Variants in MAST4 observed in about 807,000 individuals in gnomAD.
MAST4 encodes microtubule associated serine/threonine kinase family member 4.
Under a neutral mutation model 162.7 loss-of-function variants are expected in MAST4, and 89 were observed. The observed-to-expected ratio is 0.55, with a 90% confidence interval of 0.46 to 0.65. The LOEUF (loss-of-function observed/expected upper bound fraction) is 0.65. MAST4 is among the 30% of genes least tolerant of loss of function. The pLI is 0.00. For missense variants in MAST4, 3,153 were observed against 3,374.0 expected (o/e 0.93, Z 1.62); for synonymous variants, 1,479 against 1,361.1 (o/e 1.09, Z -1.91).
rs1686319263 is a variant in MAST4, at chr5:67,163,893, A to C, written c.4714A>C (p.Arg1572=). Residue 1572 remains arginine, a synonymous_variant, in exon 29 of 29, where the codon AGA becomes CGA. Transcript: ENST00000403625. This position sits in a 1 kb window ranked among gnomAD's most constrained non-coding sequence, Gnocchi z 7.0. ...ENFALFKLEE[R]EKKVYPKAVE... ...CTTTGCTCTGTTTAAGCTGGAAGAGAGAGAGAAGAAAGTCTATCCGAAGGC... is the reference window on the plus strand; with the variant it reads ...CTTTGCTCTGTTTAAGCTGGAAGAGCGAGAGAAGAAAGTCTATCCGAAGGC... The C allele has an allele frequency of 4.3e-6, 7 of 1,614,032 alleles. No homozygotes were observed. The highest frequency in any genetic ancestry group is 5.9e-6 in the Non-Finnish European group (7 of 1,179,878).
intron 1 of MAST4, among the ~76,000 whole-genome samples, chr5:66,721,501 C>G (rs557536632): frequency 4.2e-4 from 63 of 149,618 alleles, no homozygotes; most frequent in Non-Finnish European, 7.4e-4. Flanking sequence ...TCACTAGTTG[C>G]TCCTTCTCAC....
At chr5:67,108,244 A>G (rs1230432813) in intron 10 of MAST4, among the ~76,000 whole-genome samples, 1 of 152,214 alleles carries the variant, frequency 6.6e-6, no homozygotes, top group Non-Finnish European at 1.5e-5. Flanking sequence ...AAATGTGTTT[A>G]GGCTTTTCAG....
chr5:66,915,345 G>C (rs879535288), intron 4 of MAST4, among the ~76,000 whole-genome samples: 18 of 151,742 alleles, frequency 1.2e-4, no homozygotes, highest in African/African-American at 3.9e-4. Context: ...CTTCTGAGGA[G>C]AAATATTTGT....
intron 4 of MAST4, among the ~76,000 whole-genome samples, chr5:67,035,636 G>A (rs1755920990): frequency 6.6e-6 from 1 of 152,118 alleles, no homozygotes; most frequent in Non-Finnish European, 1.5e-5. Context: ...GGTCCTCCTT[G>A]ATGCCGGTGG....
At chr5:66,863,681 A>G (rs948101362) in intron 3 of MAST4, among the ~76,000 whole-genome samples, 2 of 151,928 alleles carry the variant, frequency 1.3e-5, no homozygotes, top group African/African-American at 4.8e-5. Context: ...GTTCAGCCCC[A>G]TGGGGAGATC....
At chr5:66,997,635 G>A (rs372300692) in intron 4 of MAST4, among the ~76,000 whole-genome samples, 8 of 152,066 alleles carry the variant, frequency 5.3e-5, no homozygotes, top group East Asian at 1.9e-4. Context: ...GTTTCGCCAC[G>A]TTGGCCAGGC....
At chr5:67,023,305 GGTCTA>G (rs1754222527) in intron 4 of MAST4, among the ~76,000 whole-genome samples, 1 of 152,170 alleles carries the variant, frequency 6.6e-6, no homozygotes, top group South Asian at 2.1e-4. Flanking sequence ...TTACGTTGTA[GGTCTA>G]GCTTTCAGAT....
intron 2 of MAST4, among the ~76,000 whole-genome samples, chr5:66,781,210 A>G (rs1192974483): frequency 6.6e-6 from 1 of 152,194 alleles, no homozygotes; most frequent in Non-Finnish European, 1.5e-5. Flanking sequence ...GGATTTACCC[A>G]GAAGTGAGAT....
intron 5 of MAST4, among the ~76,000 whole-genome samples, chr5:67,074,737 C>T (rs919620948): frequency 3.3e-5 from 5 of 152,106 alleles, no homozygotes; most frequent in Non-Finnish European, 7.4e-5. Context: ...TTTGTATATA[C>T]GTGTATACAC....
chr5:67,126,197 G>A (rs192934894), intron 14 of MAST4, among the ~76,000 whole-genome samples: 94 of 152,120 alleles, frequency 6.2e-4, no homozygotes, highest in Non-Finnish European at 9.9e-4. Flanking sequence ...TGTAGGTTGC[G>A]TGTTCACTCT....
intron 1 of MAST4, among the ~76,000 whole-genome samples, chr5:66,700,387 A>G (rs1010857618): frequency 2.6e-5 from 4 of 152,004 alleles, no homozygotes; most frequent in African/African-American, 9.7e-5. Flanking sequence ...AAATCCTTTA[A>G]GCCTTAAATT....
chr5:66,988,945 A>T (rs1749794500), intron 4 of MAST4, among the ~76,000 whole-genome samples: 1 of 152,258 alleles, frequency 6.6e-6, no homozygotes, highest in African/African-American at 2.4e-5. Context: ...ATTTGTAAAC[A>T]TAATATACCA....
chr5:66,960,918 A>AGG (rs35493563), intron 4 of MAST4, among the ~76,000 whole-genome samples: 1 of 152,196 alleles, frequency 6.6e-6, no homozygotes, highest in African/African-American at 2.4e-5. Context: ...AGCTAAACAC[A>AGG]GGGGATCTTT....
intron 5 of MAST4, among the ~76,000 whole-genome samples, chr5:67,063,271 G>A (rs1389053221): frequency 6.6e-6 from 1 of 151,976 alleles, no homozygotes; most frequent in East Asian, 1.9e-4. Context: ...ATGGACTGAC[G>A]TCAGTCAATG....
rs1764170982 is a variant in MAST4, at chr5:67,094,162, A to G, written c.834-1435A>G. ...GTACTCCAATCATGGTACAGAAATG[A>G]CAGGTAAATTTTACTAAAATCTTAA... On this transcript the variant is annotated intron_variant, in intron 6 of 28. Coordinates refer to ENST00000403625, the MANE Select transcript of MAST4 (RefSeq NM_001164664.2). 3 of 1,501,718 alleles carry G rather than the reference A, an allele frequency of 2.0e-6. No individual in the cohort carries two copies. In the Admixed American group the frequency reaches 5.3e-5, roughly 27 times the overall value. The allele number at this position is 1,501,718 out of a possible 1,614,324, so 93.0% of individuals were successfully genotyped here. A position where few individuals can be genotyped will look rare whatever the true frequency, so the allele number is the denominator to read the frequency against.
intron 3 of MAST4, among the ~76,000 whole-genome samples, chr5:66,885,986 C>T (rs1312927897): frequency 7.2e-5 from 11 of 152,174 alleles, no homozygotes; most frequent in Admixed American, 6.5e-4. Context: ...CTCACAACAA[C>T]TCTGACTTCT....
At chr5:67,023,238 A>G (rs7718114) in intron 4 of MAST4, among the ~76,000 whole-genome samples, 1 of 152,138 alleles carries the variant, frequency 6.6e-6, no homozygotes. Flanking sequence ...AACCCACATT[A>G]AGCTATGACT....
At chr5:66,981,596 C>T (rs1366244593) in intron 4 of MAST4, among the ~76,000 whole-genome samples, 2 of 152,172 alleles carry the variant, frequency 1.3e-5, no homozygotes, top group African/African-American at 4.8e-5. Flanking sequence ...AGAAATTGGC[C>T]AGAAGCTTCA....
rs1203648898 is a variant in MAST4, at chr5:67,136,629, T to G, written c.2459T>G (p.Leu820Arg). 3.1e-6 allele frequency: 5 copies of G among 1,604,170 alleles called. No individual in the cohort carries two copies. Among genetic ancestry groups the G allele is most frequent in the Non-Finnish European group, 4.3e-6 (5 of 1,175,216 alleles). Residue 820 changes from leucine (L) to arginine (R), a missense_variant, in exon 19 of 29, where the codon CTC becomes CGC. By Grantham distance (102) the Leu-to-Arg change is moderately radical. Around this residue, in one of 7 missense-constraint regions of MAST4, gnomAD observed 62 missense variants for 63.1 expected, o/e 0.98. Transcript: ENST00000403625. ...PPDAQDLITL[L>R]LRQNPLERLG... The stretch of plus-strand genomic sequence containing the variant: ...GATGCCCAGGATCTGATTACCTTAC[T>G]CCTCAGGCAGAATCCCCTGGAGAGG...
Sources: gnomAD v4.1 joint callset for allele counts (sites outside exome capture counted in the v4.1 genomes callset) on GRCh38, gnomAD v4.1.1 for gene constraint, gnomAD v4.1.1 regional missense constraint, Gnocchi (gnomAD v3.1) non-coding constraint, MANE v1.5 for transcripts, NCBI Gene and HGNC (gene_info 2026-07-23, HGNC 2026-07-21) for gene names.